Variants in MGAT4A observed in about 807,000 individuals in gnomAD.
The protein encoded by MGAT4A is N-acetylglucosaminyltransferase IVa.
Under a neutral mutation model 74.1 loss-of-function variants are expected in MGAT4A, and 33 were observed. The observed-to-expected ratio is 0.45, with a 90% confidence interval of 0.34 to 0.60. The LOEUF is 0.60. Among genes scored for constraint, MGAT4A ranks in the 20% least tolerant of loss-of-function variants. MGAT4A has a pLI of 0.02. For missense variants in MGAT4A, 479 were observed against 628.3 expected (o/e 0.76, Z 2.54); for synonymous variants, 198 against 210.4 (o/e 0.94, Z 0.51).
rs1381148591 is a variant in MGAT4A, at chr2:98,711,263, A to G, written c.94+14976T>C. ...TCATTAAACTAACAAGTTAATTTGG[A>G]AAAAAAAAAAAAAAAAAGGACCCAG... On this transcript the variant is annotated intron_variant, in intron 2 of 15. Coordinates refer to ENST00000393487, the MANE Select transcript of MGAT4A (RefSeq NM_012214.3). Among the ~76,000 whole-genome samples the G allele has an allele frequency of 3.3e-4, 24 of 73,244 alleles. No homozygotes were observed. In the Middle Eastern group the frequency reaches 0.017, roughly 53 times the overall value. 48.1% of individuals were successfully genotyped at this position (73,244 alleles called of 152,430 possible).
intron 8 of MGAT4A, among the ~76,000 whole-genome samples, chr2:98,649,208 T>A (rs143793553): frequency 6.6e-6 from 1 of 152,074 alleles, no homozygotes; most frequent in Non-Finnish European, 1.5e-5. Flanking sequence ...ATCAACAGTA[T>A]GTTAAGTGAC....
chr2:98,680,869 T>C (rs1702049516), intron 2 of MGAT4A, among the ~76,000 whole-genome samples: 1 of 152,256 alleles, frequency 6.6e-6, no homozygotes, highest in Non-Finnish European at 1.5e-5. Flanking sequence ...TACTGAAGTC[T>C]ATAATAGAAT....
intron 2 of MGAT4A, among the ~76,000 whole-genome samples, chr2:98,686,480 C>A (rs1702132173): frequency 1.3e-5 from 2 of 151,962 alleles, no homozygotes; most frequent in Non-Finnish European, 2.9e-5. Context: ...ACCTAATAAA[C>A]ATAACACCTT....
At chr2:98,639,242 C>T (rs548588411) in intron 12 of MGAT4A, among the ~76,000 whole-genome samples, 53 of 151,044 alleles carry the variant, frequency 3.5e-4, no homozygotes, top group Non-Finnish European at 7.2e-4. Context: ...AGCTACATTG[C>T]ACCATTGCAC....
At chr2:98,724,228 G>A (rs1457273675) in intron 2 of MGAT4A, among the ~76,000 whole-genome samples, 1 of 152,170 alleles carries the variant, frequency 6.6e-6, no homozygotes, top group Non-Finnish European at 1.5e-5. Flanking sequence ...AAAACCATTA[G>A]TTTAGCAACA....
rs1204035364 is a variant in MGAT4A, at chr2:98,656,479, G to A, written c.585-14C>T. On this transcript the variant is annotated splice_polypyrimidine_tract_variant and intron_variant, in intron 6 of 15. Coordinates refer to ENST00000393487, the MANE Select transcript of MGAT4A (RefSeq NM_012214.3). Reference sequence around the variant, plus strand: ...TCTTTAGAAAATCTATTATGAGAAAGTTAGCTGAGTTACTTAAGTTCTGTG... The same window carrying A: ...TCTTTAGAAAATCTATTATGAGAAAATTAGCTGAGTTACTTAAGTTCTGTG... 6.6e-7 allele frequency: 1 copy of A among 1,518,494 alleles called. No homozygotes were observed. The highest frequency in any genetic ancestry group is 1.4e-5 in the African/African-American group (1 of 72,060). 94.1% of individuals were successfully genotyped at this position (1,518,494 alleles called of 1,614,324 possible). A position where few individuals can be genotyped will look rare whatever the true frequency, so the allele number is the denominator to read the frequency against.
At position 98,622,927 on chromosome 2, in the gene MGAT4A, G is replaced by A. The variant is rs538896557; in HGVS notation, c.*2639C>T. 8.1e-6 allele frequency: 8 copies of A among 984,572 alleles called. No individual in the cohort carries two copies. Among genetic ancestry groups the A allele is most frequent in the African/African-American group, 5.2e-5 (3 of 57,200 alleles). The allele number at this position is 984,572 out of a possible 1,614,324, so 61.0% of individuals were successfully genotyped here. A position where few individuals can be genotyped will look rare whatever the true frequency, so the allele number is the denominator to read the frequency against. On this transcript the variant is annotated 3_prime_UTR_variant, in exon 16 of 16. Transcript: ENST00000393487. Reference sequence around the variant, plus strand: ...CCAGCACTTTGGGAGGCTGAGGCAGGAGGATTGCTTGAGGCCAGAGATCGA... The same window carrying A: ...CCAGCACTTTGGGAGGCTGAGGCAGAAGGATTGCTTGAGGCCAGAGATCGA...
intron 2 of MGAT4A, among the ~76,000 whole-genome samples, chr2:98,716,560 G>A (rs905604950): frequency 6.6e-6 from 1 of 152,226 alleles, no homozygotes; most frequent in Admixed American, 6.5e-5. Context: ...AGAGGTTGCG[G>A]TGAGCCAAGA....
chr2:98,717,843 T>C (rs12471383), intron 2 of MGAT4A, among the ~76,000 whole-genome samples: 49,767 of 152,166 alleles, frequency 0.33, 10,530 homozygotes, highest in African/African-American at 0.59. Context: ...GTGCCTGGCA[T>C]GCCGAAGGCA....
chr2:98,652,238 C>T (rs1462538173), intron 8 of MGAT4A, among the ~76,000 whole-genome samples: 3 of 152,236 alleles, frequency 2.0e-5, no homozygotes, highest in African/African-American at 7.2e-5. Context: ...AACACTGATC[C>T]CAACAACAGC....
intron 14 of MGAT4A, among the ~76,000 whole-genome samples, chr2:98,626,938 A>G (rs551097690): frequency 4.0e-4 from 61 of 152,336 alleles, no homozygotes; most frequent in African/African-American, 1.4e-3. Flanking sequence ...AATGGGGCAC[A>G]TGCATCCCTT....
chr2:98,630,412 A>G (rs191106070), intron 14 of MGAT4A, among the ~76,000 whole-genome samples: 1 of 152,338 alleles, frequency 6.6e-6, no homozygotes, highest in Non-Finnish European at 1.5e-5. Context: ...TATTCCATAC[A>G]TAGTAAAAAT....
intron 2 of MGAT4A, among the ~76,000 whole-genome samples, chr2:98,715,987 C>A (rs1027772639): frequency 2.0e-5 from 3 of 152,198 alleles, no homozygotes; most frequent in Non-Finnish European, 2.9e-5. Context: ...AGTAACAAGA[C>A]ACATCAACAT....
rs1267722340 is a variant in MGAT4A, at chr2:98,624,104, C to G, written c.*1462G>C. 1 of 844,092 alleles carries G rather than the reference C, an allele frequency of 1.2e-6. No individual in the cohort carries two copies. Among genetic ancestry groups the G allele is most frequent in the African/African-American group, 1.8e-5 (1 of 54,374 alleles). The allele number at this position is 844,092 out of a possible 1,614,324, so 52.3% of individuals were successfully genotyped here. A position where few individuals can be genotyped will look rare whatever the true frequency, so the allele number is the denominator to read the frequency against. On this transcript the variant is annotated 3_prime_UTR_variant, in exon 16 of 16. Transcript: ENST00000393487. ...CTCAGCTCACTGCCAGCTCTGCCTCCTGGGTTCACGCCATTCTCCTGCCTC... is the reference window on the plus strand; with the variant it reads ...CTCAGCTCACTGCCAGCTCTGCCTCGTGGGTTCACGCCATTCTCCTGCCTC...
At chr2:98,715,376 G>T (rs2104329657) in intron 2 of MGAT4A, among the ~76,000 whole-genome samples, 1 of 150,476 alleles carries the variant, frequency 6.6e-6, no homozygotes, top group South Asian at 2.1e-4. Flanking sequence ...CCTTACAGTG[G>T]AATTCCAATT....
chr2:98,706,668 C>T (rs1702441278), intron 2 of MGAT4A, among the ~76,000 whole-genome samples: 1 of 150,798 alleles, frequency 6.6e-6, no homozygotes, highest in Admixed American at 6.6e-5. Context: ...GTAGAATATA[C>T]ATGGCATACT....
intron 2 of MGAT4A, among the ~76,000 whole-genome samples, chr2:98,691,318 G>A (rs775761330): frequency 9.2e-5 from 14 of 152,016 alleles, no homozygotes; most frequent in Admixed American, 2.6e-4. Context: ...GCTGGGTAAC[G>A]TAGTCCCAGC....
intron 2 of MGAT4A, among the ~76,000 whole-genome samples, chr2:98,682,137 T>C (rs1702068151): frequency 1.3e-5 from 2 of 152,078 alleles, no homozygotes; most frequent in African/African-American, 4.8e-5. Context: ...AAAACTGCCA[T>C]TTGGGCCAGG....
chr2:98,716,865 T>C (rs937077393), intron 2 of MGAT4A, among the ~76,000 whole-genome samples: 2 of 152,162 alleles, frequency 1.3e-5, no homozygotes, highest in African/African-American at 4.8e-5. Context: ...AAATGCTAGA[T>C]AAATAGTTGT....
Sources: gnomAD v4.1 joint callset for allele counts (sites outside exome capture counted in the v4.1 genomes callset) on GRCh38, gnomAD v4.1.1 for gene constraint, MANE v1.5 for transcripts, NCBI Gene and HGNC (gene_info 2026-07-23, HGNC 2026-07-21) for gene names.